The following SMYD3 variants were observed in gnomAD, a reference collection of about 807,000 sequenced individuals.
SMYD3 encodes the protein histone-lysine N-methyltransferase SMYD3.
In SMYD3, 36 loss-of-function variants were observed where a neutral mutation model predicts 57.7. The ratio of observed to expected loss-of-function variants is 0.62; its 90% CI spans 0.48 to 0.82. The LOEUF is 0.82. Among genes scored for constraint, SMYD3 ranks in the 40% least tolerant of loss-of-function variants. The pLI, the probability that SMYD3 is intolerant of heterozygous loss-of-function variation, is 0.00. For synonymous variants in SMYD3, 211 were observed against 195.0 expected, an observed-to-expected ratio of 1.08 and a Z score of -0.68; for missense variants, 515 against 538.8, an observed-to-expected ratio of 0.96 and a Z score of 0.44.
rs1173574600 is a variant in SMYD3 at position 246,348,060 on chromosome 1, T to TCATATATATATATATA, written c.228+6970_228+6971insTATATATATATATATG. 9.2e-3 allele frequency among the ~76,000 whole-genome samples: 765 copies of TCATATATATATATATA among 82,972 alleles called. 30 individuals carry two copies. The highest frequency in any genetic ancestry group is 0.016 in the East Asian group (66 of 4,046). The allele number at this position is 82,972 out of a possible 152,430, so 54.4% of individuals were successfully genotyped here. A position where few individuals can be genotyped will look rare whatever the true frequency, so the allele number is the denominator to read the frequency against. On this transcript the variant is annotated intron_variant, in intron 2 of 11. Coordinates refer to ENST00000490107, the MANE Select transcript of SMYD3 (RefSeq NM_001167740.2). The stretch of plus-strand genomic sequence containing the variant: ...ATTGGTGGACTGAATAAAGAAAACG[T>TCATATATATATATATA]TATATATATATATATATACACACAC...
intron 5 of SMYD3, among the ~76,000 whole-genome samples, chr1:246,015,095 C>A (rs1304721188): frequency 6.6e-6 from 1 of 152,104 alleles, no homozygotes; most frequent in African/African-American, 2.4e-5. Context: ...CAGTTCCTAC[C>A]CCGTTAAAAT....
At chr1:245,755,808 T>C (rs547757851) in intron 11 of SMYD3, among the ~76,000 whole-genome samples, 2 of 152,236 alleles carry the variant, frequency 1.3e-5, no homozygotes, top group African/African-American at 2.4e-5. Flanking sequence ...ACAGACAACA[T>C]ATGCTTGAGT....
At chr1:246,013,623 C>T (rs2059325643) in intron 5 of SMYD3, among the ~76,000 whole-genome samples, 1 of 152,150 alleles carries the variant, frequency 6.6e-6, no homozygotes, top group Non-Finnish European at 1.5e-5. Flanking sequence ...CTCGTCAATG[C>T]AGCAGGGATG....
chr1:246,112,888 A>G (rs1439788107), intron 5 of SMYD3, among the ~76,000 whole-genome samples: 4 of 152,204 alleles, frequency 2.6e-5, no homozygotes, highest in African/African-American at 9.6e-5. Context: ...TCATACAAAT[A>G]GAATAAATTT....
chr1:245,948,995 T>C (rs1043307814), intron 5 of SMYD3, among the ~76,000 whole-genome samples: 14 of 152,324 alleles, frequency 9.2e-5, no homozygotes, highest in African/African-American at 3.1e-4. Context: ...CTGCCCGACC[T>C]GCCGCTACCA....
chr1:245,854,786 C>G (rs756255016), intron 10 of SMYD3, among the ~76,000 whole-genome samples: 1 of 151,922 alleles, frequency 6.6e-6, no homozygotes, highest in Non-Finnish European at 1.5e-5. Context: ...GAAGAGCCCA[C>G]GTGAACAGTT....
intron 10 of SMYD3, among the ~76,000 whole-genome samples, chr1:245,797,952 T>C (rs1320937503): frequency 6.6e-6 from 1 of 152,126 alleles, no homozygotes; most frequent in Non-Finnish European, 1.5e-5. Flanking sequence ...AATATGGGTT[T>C]GAGGATGCTC....
chr1:246,082,404 C>A (rs1026639719), intron 5 of SMYD3, among the ~76,000 whole-genome samples: 2 of 152,188 alleles, frequency 1.3e-5, no homozygotes, highest in African/African-American at 4.8e-5. Flanking sequence ...ACTCACCCCC[C>A]TGGACCTGTG....
chr1:246,456,367 T>C (rs980539436), intron 1 of SMYD3, among the ~76,000 whole-genome samples: 2 of 152,210 alleles, frequency 1.3e-5, no homozygotes, highest in Non-Finnish European at 2.9e-5. Flanking sequence ...CATGAATTTG[T>C]TGTTTAGTTT....
At chr1:246,114,905 CAGGCGTGA>C (rs74163407) in intron 5 of SMYD3, among the ~76,000 whole-genome samples, 76,704 of 151,482 alleles carry the variant, frequency 0.51, 22,381 homozygotes, top group Non-Finnish European at 0.67. Context: ...ACTAGGATTA[CAGGCGTGA>C]GCCTCCGCAC....
chr1:246,234,396 A>G (rs2063479331), intron 5 of SMYD3, among the ~76,000 whole-genome samples: 1 of 152,222 alleles, frequency 6.6e-6, no homozygotes, highest in African/African-American at 2.4e-5. Context: ...TATACCACAC[A>G]GAGGAGAAGC....
intron 5 of SMYD3, among the ~76,000 whole-genome samples, chr1:246,099,372 G>A (rs34702735): frequency 0.061 from 9,303 of 152,138 alleles, 348 homozygotes; most frequent in Non-Finnish European, 0.07. Flanking sequence ...CTGTCCAAAA[G>A]AAGTAGAACT....
intron 5 of SMYD3, among the ~76,000 whole-genome samples, chr1:245,968,277 C>T (rs1377013274): frequency 6.8e-6 from 1 of 147,266 alleles, no homozygotes; most frequent in Non-Finnish European, 1.5e-5. Context: ...TGATATAACC[C>T]CCATCTACTG....
chr1:245,917,291 C>G (rs1462923384), intron 7 of SMYD3, among the ~76,000 whole-genome samples: 1 of 152,218 alleles, frequency 6.6e-6, no homozygotes. Context: ...CTTGACCTCC[C>G]ATGGAATTAC....
At chr1:246,378,750 A>AATTATATATT (rs2066327565) in intron 1 of SMYD3, among the ~76,000 whole-genome samples, 1 of 81,660 alleles carries the variant, frequency 1.2e-5, no homozygotes, top group Non-Finnish European at 2.3e-5. Context: ...AATTATATAT[A>AATTATATATT]ATATATTTAA....
chr1:246,474,519 CAAAAAA>C (rs35626265), intron 1 of SMYD3, among the ~76,000 whole-genome samples: 6 of 78,828 alleles, frequency 7.6e-5, no homozygotes, highest in Admixed American at 1.5e-4. Context: ...ACTCCCCTCT[CAAAAAA>C]AAAAAAAAAA....
intron 5 of SMYD3, among the ~76,000 whole-genome samples, chr1:246,211,983 T>C (rs1000173942): frequency 1.3e-5 from 2 of 151,840 alleles, no homozygotes; most frequent in Admixed American, 1.3e-4. Flanking sequence ...CTCAAGTATT[T>C]AGTAACAACA....
chr1:246,305,828 T>C (rs2064968600), intron 5 of SMYD3: 1 of 152,240 alleles, frequency 6.6e-6, no homozygotes, highest in Admixed American at 6.5e-5. Context: ...ATGAGTATGA[T>C]ATTTAACAGC....
At chr1:245,880,752 C>G (rs899321615) in intron 8 of SMYD3, among the ~76,000 whole-genome samples, 1 of 152,220 alleles carries the variant, frequency 6.6e-6, no homozygotes, top group African/African-American at 2.4e-5. Flanking sequence ...CTCAAATATT[C>G]AAGTACTTGA....
Sources: allele counts gnomAD v4.1 joint callset (sites outside exome capture counted in the v4.1 genomes callset), GRCh38; gene constraint gnomAD v4.1.1; transcripts MANE v1.5; gene names NCBI Gene and HGNC (gene_info 2026-07-23, HGNC 2026-07-21).